RGS7: variants seen among roughly 807,000 people sequenced by gnomAD.
The protein encoded by RGS7 is regulator of G protein signaling 7.
Under a neutral mutation model 81.1 loss-of-function variants are expected in RGS7, and 27 were observed. The ratio of observed to expected loss-of-function variants is 0.33; its 90% CI spans 0.25 to 0.46. The LOEUF (loss-of-function observed/expected upper bound fraction) is 0.46. Ranked by LOEUF, RGS7 falls within the 20% of genes least tolerant of loss-of-function variation. The probability of loss-of-function intolerance (pLI) is 1.00; values close to 1 mark genes in which losing one functional copy is unlikely to be tolerated. For synonymous variants in RGS7, 208 were observed against 207.7 expected (o/e 1.00, Z -0.01); for missense variants, 396 against 607.4 (o/e 0.65, Z 3.66).
rs770194161 is a variant in RGS7, at chr1:241,163,654, A to G, written c.79-64892T>C. Among the ~76,000 whole-genome samples the G allele has an allele frequency of 4.6e-5, 7 of 152,062 alleles. No individual in the cohort carries two copies. Among genetic ancestry groups the G allele is most frequent in the Non-Finnish European group, 1.0e-4 (7 of 68,008 alleles). ...GGGCTCCTCTTCTCTCCCTCCCATA[A>G]TCACAACCTGTTTTGCCACAATCCA... On this transcript the variant is annotated intron_variant, in intron 2 of 18. Coordinates refer to ENST00000440928, the MANE Select transcript of RGS7 (RefSeq NM_001364886.1). The surrounding 1 kb of genome is among the most constrained non-coding windows in gnomAD (Gnocchi z 4.6).
chr1:240,988,996 T>C (rs1273096174), intron 3 of RGS7, among the ~76,000 whole-genome samples: 4 of 152,174 alleles, frequency 2.6e-5, no homozygotes, highest in African/African-American at 9.7e-5. Flanking sequence ...GACCACTCTG[T>C]AATCAGATCT....
intron 5 of RGS7, among the ~76,000 whole-genome samples, chr1:240,935,305 C>T (rs769984011): frequency 1.1e-4 from 17 of 152,074 alleles, no homozygotes; most frequent in Non-Finnish European, 1.5e-4. Flanking sequence ...AAGCATTAGT[C>T]ACATAAAAAC....
At chr1:240,966,090 T>C (rs2148490944) in intron 4 of RGS7, among the ~76,000 whole-genome samples, 1 of 152,310 alleles carries the variant, frequency 6.6e-6, no homozygotes, top group South Asian at 2.1e-4. Context: ...CTACCATCTT[T>C]GTCTTATCTC....
At chr1:241,250,406 CA>C (rs2076771077) in intron 2 of RGS7, among the ~76,000 whole-genome samples, 1 of 151,684 alleles carries the variant, frequency 6.6e-6, no homozygotes, top group Non-Finnish European at 1.5e-5. Flanking sequence ...TTATGAACTG[CA>C]AAACAGCATC....
intron 3 of RGS7, among the ~76,000 whole-genome samples, chr1:241,045,967 G>C (rs10926407): frequency 0.082 from 12,445 of 152,080 alleles, 838 homozygotes; most frequent in African/African-American, 0.18. Flanking sequence ...ACAATTGAAG[G>C]TGTGCCCTGG....
At chr1:241,060,391 T>C (rs996093761) in intron 3 of RGS7, among the ~76,000 whole-genome samples, 2 of 152,214 alleles carry the variant, frequency 1.3e-5, no homozygotes, top group African/African-American at 4.8e-5. Context: ...CAAGTAATGC[T>C]TGACAGACAG....
At chr1:241,294,530 A>G (rs1319801118) in intron 2 of RGS7, among the ~76,000 whole-genome samples, 1 of 152,222 alleles carries the variant, frequency 6.6e-6, no homozygotes. Flanking sequence ...GGAAATTTTA[A>G]AAATAAATTT....
At chr1:240,999,910 T>A (rs957271962) in intron 3 of RGS7, among the ~76,000 whole-genome samples, 2 of 152,208 alleles carry the variant, frequency 1.3e-5, no homozygotes, top group African/African-American at 4.8e-5. Context: ...GCCTGATGAA[T>A]GTTTTTTAAA....
intron 6 of RGS7, among the ~76,000 whole-genome samples, chr1:240,875,188 G>GC (rs1413267904): frequency 6.6e-6 from 1 of 152,018 alleles, no homozygotes; most frequent in Non-Finnish European, 1.5e-5. Flanking sequence ...ACCAATATCT[G>GC]CCCCCACTGC....
chr1:240,948,320 G>A (rs1311897827), intron 4 of RGS7, among the ~76,000 whole-genome samples: 1 of 152,042 alleles, frequency 6.6e-6, no homozygotes, highest in Non-Finnish European at 1.5e-5. Flanking sequence ...CTGAGATATT[G>A]CAACCAACTA....
intron 14 of RGS7, 99 bp downstream of exon 14, chr1:240,811,819 A>T: frequency 9.3e-7 from 1 of 1,076,582 alleles, no homozygotes; most frequent in East Asian, 2.4e-5. Flanking sequence ...CATCATTATG[A>T]TGTTAGTGGA....
At chr1:241,028,116 C>T (rs1003547107) in intron 3 of RGS7, among the ~76,000 whole-genome samples, 1 of 152,138 alleles carries the variant, frequency 6.6e-6, no homozygotes, top group Non-Finnish European at 1.5e-5. Context: ...AGCAGAGGAC[C>T]AAGAAGCCAG....
At chr1:241,131,683 G>A (rs2067113333) in intron 2 of RGS7, among the ~76,000 whole-genome samples, 1 of 152,160 alleles carries the variant, frequency 6.6e-6, no homozygotes, top group Non-Finnish European at 1.5e-5. Flanking sequence ...TAACGTGGCA[G>A]CCTTCACTGT....
At chr1:240,911,678 C>A (rs139847080) in intron 6 of RGS7, among the ~76,000 whole-genome samples, 1 of 152,270 alleles carries the variant, frequency 6.6e-6, no homozygotes, top group African/African-American at 2.4e-5. Flanking sequence ...GAAAAACACT[C>A]ATGCCCAGTG....
chr1:241,216,892 G>A (rs2074590396), intron 2 of RGS7, among the ~76,000 whole-genome samples: 1 of 152,208 alleles, frequency 6.6e-6, no homozygotes, highest in South Asian at 2.1e-4. Context: ...ACAGAGTCCT[G>A]ACAATGTCAG....
At chr1:241,188,299 A>G (rs928503672) in intron 2 of RGS7, among the ~76,000 whole-genome samples, 1 of 100,446 alleles carries the variant, frequency 1.0e-5, no homozygotes, top group African/African-American at 2.7e-5. Flanking sequence ...ACACACACAC[A>G]CACACACACA....
intron 3 of RGS7, among the ~76,000 whole-genome samples, chr1:241,015,499 C>T (rs548596229): frequency 1.3e-5 from 2 of 152,256 alleles, no homozygotes; most frequent in African/African-American, 4.8e-5. Flanking sequence ...ACCATTATAG[C>T]TTCATTTCAT....
At chr1:241,001,021 T>C (rs1222377031) in intron 3 of RGS7, among the ~76,000 whole-genome samples, 2 of 152,042 alleles carry the variant, frequency 1.3e-5, no homozygotes, top group African/African-American at 2.4e-5. Flanking sequence ...GTGACCACCT[T>C]ACTGGACACT....
chr1:240,853,601 T>C (rs1269840673), intron 9 of RGS7, among the ~76,000 whole-genome samples: 1 of 152,052 alleles, frequency 6.6e-6, no homozygotes, highest in Non-Finnish European at 1.5e-5. Flanking sequence ...TTACATGTAC[T>C]ACCAGATTTC....
Sources: allele counts gnomAD v4.1 joint callset (sites outside exome capture counted in the v4.1 genomes callset), GRCh38; gene constraint gnomAD v4.1.1; non-coding constraint Gnocchi (gnomAD v3.1); transcripts MANE v1.5; gene names NCBI Gene and HGNC (gene_info 2026-07-23, HGNC 2026-07-21).